SBK1: variants seen among roughly 807,000 people sequenced by gnomAD.
SBK1 encodes the protein SH3 domain binding kinase 1, also known as serine/threonine-protein kinase SBK1.
Under a neutral mutation model 24.4 loss-of-function variants are expected in SBK1, and 11 were observed. The observed-to-expected ratio is 0.45, with a 90% CI of 0.28 to 0.75. The LOEUF is 0.75. SBK1 is among the 30% of genes least tolerant of loss of function. SBK1 has a pLI of 0.12. For synonymous variants in SBK1, 308 were observed against 284.4 expected, an observed-to-expected ratio of 1.08 and a Z score of -0.83; for missense variants, 467 against 620.5, an observed-to-expected ratio of 0.75 and a Z score of 2.63.
intron 1 of SBK1, among the ~76,000 whole-genome samples, chr16:28,308,714 A>G (rs533181827): frequency 6.7e-6 from 1 of 150,222 alleles, no homozygotes; most frequent in South Asian, 2.1e-4. Flanking sequence ...TTACAGGCAC[A>G]AGCTATCGTG....
At chr16:28,304,631 G>A (rs1161412253) in intron 1 of SBK1, among the ~76,000 whole-genome samples, 1 of 151,646 alleles carries the variant, frequency 6.6e-6, no homozygotes. Flanking sequence ...TTTTTGAGAC[G>A]GAGTCTTGCT....
At position 28,320,907 on chromosome 16, in the gene SBK1, G is replaced by C; in HGVS notation, c.1261G>C (p.Glu421Gln). The C allele has an allele frequency of 1.3e-6, 2 of 1,488,314 alleles. No individual in the cohort carries two copies. Among genetic ancestry groups the C allele is most frequent in the Non-Finnish European group, 1.8e-6 (2 of 1,123,912 alleles). The allele number at this position is 1,488,314 out of a possible 1,614,324, so 92.2% of individuals were successfully genotyped here. Residue 421 changes from glutamate (E) to glutamine (Q), a missense_variant, in exon 4 of 4, where the codon GAG (glutamate) becomes CAG (glutamine). By Grantham distance (29) the Glu-to-Gln change is conservative. Coordinates refer to ENST00000341901, the MANE Select transcript of SBK1 (RefSeq NM_001024401.3). The surrounding 1 kb of genome is among the most constrained non-coding windows in gnomAD (Gnocchi z 8.5). ...KGQVVLATAIEICV is the reference protein window; with the variant it reads ...KGQVVLATAIQICV The stretch of plus-strand genomic sequence containing the variant: ...GCAGGTGGTGCTGGCCACGGCCATC[G>C]AGATCTGCGTCTGAGTCGCCTCCGC...
intron 1 of SBK1, among the ~76,000 whole-genome samples, chr16:28,275,263 C>T (rs953896292): frequency 6.6e-6 from 1 of 151,998 alleles, no homozygotes; most frequent in Admixed American, 6.6e-5. Context: ...GAGCCGTGAT[C>T]ACACCAATGC....
chr16:28,320,470 CG>C lies in SBK1; in HGVS notation c.828del (p.Leu277CysfsTer80). 6.4e-7 allele frequency: 1 copy of C among 1,574,428 alleles called. No individual in the cohort carries two copies. Among genetic ancestry groups the C allele is most frequent in the Non-Finnish European group, 8.6e-7 (1 of 1,167,286 alleles). ...EFVRWQRGRL[P>X]GLPSQWRRFT... ...GTGCGCTGGCAGCGGGGCCGCCTGCCGGGGCTGCCTTCGCAGTGGCGCCGCT... is the reference window on the plus strand; with the variant it reads ...GTGCGCTGGCAGCGGGGCCGCCTGCCGGGCTGCCTTCGCAGTGGCGCCGCT... On this transcript the variant is annotated frameshift_variant, in exon 4 of 4. Transcript: ENST00000341901. LOFTEE classifies it high-confidence loss of function. This position sits in a 1 kb window ranked among gnomAD's most constrained non-coding sequence, Gnocchi z 8.5.
intron 1 of SBK1, among the ~76,000 whole-genome samples, chr16:28,278,611 C>T (rs555717728): frequency 4.6e-5 from 7 of 152,184 alleles, no homozygotes; most frequent in Non-Finnish European, 8.8e-5. Context: ...TTCAATGGCG[C>T]GATCTCAGCC....
At chr16:28,272,158 C>T (rs148301728) in intron 1 of SBK1, among the ~76,000 whole-genome samples, 11 of 152,310 alleles carry the variant, frequency 7.2e-5, no homozygotes, top group African/African-American at 2.6e-4. Flanking sequence ...CAGCCTCCAT[C>T]TCCTGGGCTC....
At chr16:28,260,455 G>C (rs2044390796) in intron 1 of SBK1, among the ~76,000 whole-genome samples, 1 of 152,234 alleles carries the variant, frequency 6.6e-6, no homozygotes, top group South Asian at 2.1e-4. Context: ...GTCTGAGTCA[G>C]CACTACCCTG....
At chr16:28,299,084 A>G (rs1336432569) in intron 1 of SBK1, among the ~76,000 whole-genome samples, 1 of 152,222 alleles carries the variant, frequency 6.6e-6, no homozygotes, top group African/African-American at 2.4e-5. Context: ...AGGAGGCACA[A>G]TGGGGCCCAC....
intron 1 of SBK1, among the ~76,000 whole-genome samples, chr16:28,277,514 C>CA (rs1166812913): frequency 1.1e-4 from 16 of 152,000 alleles, no homozygotes; most frequent in Non-Finnish European, 1.8e-4. Flanking sequence ...CCCGTCTCCA[C>CA]AAAAAATTAA....
In SBK1 at chr16:28,319,965, G is replaced by A; in HGVS notation, c.430-111G>A. 1 of 1,110,508 alleles carries A rather than the reference G, an allele frequency of 9.0e-7. No homozygotes were observed. The highest frequency in any genetic ancestry group is 1.2e-6 in the Non-Finnish European group (1 of 817,152). 68.8% of individuals were successfully genotyped at this position (1,110,508 alleles called of 1,614,324 possible). A position where few individuals can be genotyped will look rare whatever the true frequency, so the allele number is the denominator to read the frequency against. The stretch of plus-strand genomic sequence containing the variant: ...TCTGCGCGGTCGCCCCAGTTACTGG[G>A]GACAGGGTGGGAGGCGAAAACCGCC... On this transcript the variant is annotated intron_variant, in intron 3 of 3. Coordinates refer to ENST00000341901, the MANE Select transcript of SBK1 (RefSeq NM_001024401.3). The surrounding 1 kb of genome is among the most constrained non-coding windows in gnomAD (Gnocchi z 4.0).
At chr16:28,288,191 G>A (rs2044578084), upstream of SBK1, among the ~76,000 whole-genome samples, 1 of 152,154 alleles carries the variant, frequency 6.6e-6, no homozygotes, top group Admixed American at 6.5e-5. Context: ...TCAAGGGGGA[G>A]TCCTTGATCC....
chr16:28,265,293 T>C (rs567255606), intron 1 of SBK1, among the ~76,000 whole-genome samples: 7 of 151,886 alleles, frequency 4.6e-5, no homozygotes, highest in Non-Finnish European at 8.8e-5. Context: ...ATGGCGCATG[T>C]CTGTAGTTCC....
intron 1 of SBK1, among the ~76,000 whole-genome samples, chr16:28,301,229 G>A (rs577719039): frequency 1.3e-5 from 2 of 152,308 alleles, no homozygotes; most frequent in East Asian, 3.9e-4. Flanking sequence ...CCCGGGCCCT[G>A]CACCCTCCAG....
chr16:28,263,767 G>A (rs1038133820), intron 1 of SBK1, among the ~76,000 whole-genome samples: 8 of 152,160 alleles, frequency 5.3e-5, no homozygotes, highest in East Asian at 1.9e-4. Context: ...AATAGAGGAC[G>A]CCAACGTGGA....
In SBK1 at chr16:28,319,220, G is replaced by T. The variant is rs956799051; in HGVS notation, c.429+23G>T. On this transcript the variant is annotated intron_variant, in intron 3 of 3. Coordinates refer to ENST00000341901, the MANE Select transcript of SBK1 (RefSeq NM_001024401.3). The surrounding 1 kb of genome is among the most constrained non-coding windows in gnomAD (Gnocchi z 4.0). ...CAGGTACTCGGGATGGTGGCATAGG[G>T]TGGGGAAAGGGTCTTCAGGGTCCCA... 1 of 1,596,788 alleles carries T rather than the reference G, an allele frequency of 6.3e-7. No individual in the cohort carries two copies. The highest frequency in any genetic ancestry group is 8.6e-7 in the Non-Finnish European group (1 of 1,164,444).
intron 1 of SBK1, among the ~76,000 whole-genome samples, chr16:28,303,507 C>CTTTTTTTTTTT (rs143613970): frequency 8.3e-4 from 48 of 58,086 alleles, no homozygotes; most frequent in Admixed American, 1.1e-3. Context: ...CTTTTCTTTT[C>CTTTTTTTTTTT]TTTTTTTTTT....
At chr16:28,313,229 AG>A (rs2044766442) in intron 1 of SBK1, among the ~76,000 whole-genome samples, 1 of 152,008 alleles carries the variant, frequency 6.6e-6, no homozygotes, top group Non-Finnish European at 1.5e-5. Context: ...CAGGAGCTGG[AG>A]GCTTCAGTGA....
At chr16:28,263,598 G>A (rs931340864) in intron 1 of SBK1, among the ~76,000 whole-genome samples, 4 of 152,190 alleles carry the variant, frequency 2.6e-5, no homozygotes, top group South Asian at 2.1e-4. Context: ...GTCAGGCCAC[G>A]CAGGCCTTGG....
rs765029481 is a variant in SBK1 at position 28,320,823 on chromosome 16, G to A, written c.1177G>A (p.Gly393Ser). ...VPVPVPVPEP[G>S]LAPQGPPGRT... ...CGTGCCGGTGCCTGTGCCCGAGCCC[G>A]GCCTAGCTCCCCAGGGGCCCCCCGG... Residue 393 changes from glycine to serine, a missense_variant, in exon 4 of 4, where the codon GGC (glycine) becomes AGC (serine). Physicochemically the swap from Gly to Ser is moderately conservative, Grantham distance 56. This residue lies in a region of SBK1 where 166 missense variants were observed against 146.8 expected (regional missense o/e 1.13). Transcript: ENST00000341901. The surrounding 1 kb of genome is among the most constrained non-coding windows in gnomAD (Gnocchi z 8.5). 2.7e-6 allele frequency: 4 copies of A among 1,457,424 alleles called. No individual in the cohort carries two copies. Among genetic ancestry groups the A allele is most frequent in the East Asian group, 3.2e-5 (1 of 31,322 alleles). 90.3% of individuals were successfully genotyped at this position (1,457,424 alleles called of 1,614,324 possible). A position where few individuals can be genotyped will look rare whatever the true frequency, so the allele number is the denominator to read the frequency against.
Sources: gnomAD v4.1 joint callset for allele counts (sites outside exome capture counted in the v4.1 genomes callset) on GRCh38, gnomAD v4.1.1 for gene constraint, gnomAD v4.1.1 regional missense constraint, Gnocchi (gnomAD v3.1) non-coding constraint, MANE v1.5 for transcripts, NCBI Gene and HGNC (gene_info 2026-07-23, HGNC 2026-07-21) for gene names.